The following TLL2 variants were observed in gnomAD, a reference collection of about 807,000 sequenced individuals.
TLL2 encodes tolloid-like protein 2.
A neutral mutation model predicts 123.0 loss-of-function variants in TLL2; 106 were observed. The ratio of observed to expected loss-of-function variants is 0.86; its 90% CI spans 0.74 to 1.01. TLL2 has a LOEUF of 1.01. Ranked by LOEUF, TLL2 falls within the 50% of genes least tolerant of loss-of-function variation. The pLI, the probability that TLL2 is intolerant of heterozygous loss-of-function variation, is 0.00. For missense variants in TLL2, 1,332 were observed against 1,336.7 expected (o/e 1.00, Z 0.06); for synonymous variants, 494 against 516.8 (o/e 0.96, Z 0.60).
chr10:96,392,085 T>C (rs773616764), intron 13 of TLL2, among the ~76,000 whole-genome samples: 2 of 152,158 alleles, frequency 1.3e-5, no homozygotes, highest in Non-Finnish European at 2.9e-5. Context: ...CATTGTGTGC[T>C]TTCCTCGGCG....
At chr10:96,424,979 G>A (rs983624088) in intron 5 of TLL2, among the ~76,000 whole-genome samples, 2 of 148,442 alleles carry the variant, frequency 1.3e-5, no homozygotes, top group Admixed American at 6.7e-5. Context: ...AATAGTTATC[G>A]GTATAAGAAG....
chr10:96,463,534 G>T (rs761023745), intron 2 of TLL2, among the ~76,000 whole-genome samples: 1 of 152,200 alleles, frequency 6.6e-6, no homozygotes, highest in Non-Finnish European at 1.5e-5. Flanking sequence ...GAAGGATCCT[G>T]TTCGGTTCCA....
intron 2 of TLL2, among the ~76,000 whole-genome samples, chr10:96,462,794 G>A (rs12780850): frequency 0.014 from 2,092 of 152,252 alleles, 21 homozygotes; most frequent in Non-Finnish European, 0.021. Context: ...CATCACAGCC[G>A]TCTTGCAATT....
chr10:96,483,458 C>T (rs989900556), intron 1 of TLL2, among the ~76,000 whole-genome samples: 15 of 152,200 alleles, frequency 9.9e-5, no homozygotes, highest in Admixed American at 2.6e-4. Context: ...TCCCAGTCTT[C>T]CTCTTTCCAA....
At chr10:96,375,956 G>C (rs1846134438) in intron 18 of TLL2, among the ~76,000 whole-genome samples, 1 of 152,182 alleles carries the variant, frequency 6.6e-6, no homozygotes, top group Non-Finnish European at 1.5e-5. Context: ...CAAAGTGTGG[G>C]AGTCCCTGGG....
intron 11 of TLL2, among the ~76,000 whole-genome samples, chr10:96,396,661 A>C (rs1446013593): frequency 6.7e-6 from 1 of 149,726 alleles, no homozygotes. Context: ...GAAGAAATAG[A>C]AGCACCATCA....
intron 1 of TLL2, among the ~76,000 whole-genome samples, chr10:96,512,408 A>G (rs570712787): frequency 1.3e-5 from 2 of 152,362 alleles, no homozygotes; most frequent in African/African-American, 4.8e-5. Context: ...GAACTGATAG[A>G]GGTTTCCAGG....
chr10:96,369,500 C>T (rs1337774370), intron 20 of TLL2, among the ~76,000 whole-genome samples: 1 of 152,150 alleles, frequency 6.6e-6, no homozygotes, highest in East Asian at 1.9e-4. Flanking sequence ...GTGGCTCACG[C>T]CTGTAGTCCC....
chr10:96,429,884 C>T (rs939908859), intron 4 of TLL2, among the ~76,000 whole-genome samples: 2 of 152,104 alleles, frequency 1.3e-5, no homozygotes, highest in Admixed American at 1.3e-4. Flanking sequence ...TAATAAAACT[C>T]CAGGCTGACA....
chr10:96,506,251 C>CTAA (rs1847576949), intron 1 of TLL2, among the ~76,000 whole-genome samples: 1 of 36,754 alleles, frequency 2.7e-5, no homozygotes, highest in South Asian at 1.8e-3. Context: ...GACCCCATCT[C>CTAA]AAAAAAAAAA....
intron 8 of TLL2, among the ~76,000 whole-genome samples, chr10:96,412,344 T>G (rs960559021): frequency 6.6e-6 from 1 of 152,150 alleles, no homozygotes; most frequent in Non-Finnish European, 1.5e-5. Flanking sequence ...GGTTTGGAAG[T>G]CTGGGAAAGG....
rs1427603484 is a variant in TLL2, at chr10:96,472,892, T to G, written c.286+7457A>C. ...ATCCAAGTTCTCTGATTCTGGACAT[T>G]GGGTATCTCTTGGGTATGCACTGGT... is the stretch of plus-strand genomic sequence containing the variant. On this transcript the variant is annotated intron_variant, in intron 2 of 20. Coordinates refer to ENST00000357947, the MANE Select transcript of TLL2 (RefSeq NM_012465.4). Among the ~76,000 whole-genome samples, 3 of 152,190 alleles carry G rather than the reference T, an allele frequency of 2.0e-5. No individual in the cohort carries two copies. The South Asian group carries it at 6.2e-4, about 32-fold the overall frequency.
At chr10:96,459,582 A>G (rs1037695834) in intron 2 of TLL2, among the ~76,000 whole-genome samples, 3 of 148,508 alleles carry the variant, frequency 2.0e-5, no homozygotes, top group Admixed American at 1.4e-4. Flanking sequence ...GCAAAGAAGA[A>G]TCACGTGAAT....
At chr10:96,506,266 G>A (rs3934227) in intron 1 of TLL2, among the ~76,000 whole-genome samples, 73,540 of 92,380 alleles carry the variant, frequency 0.8, 27,771 homozygotes, top group East Asian at 0.93. Context: ...AAAAAAAAAA[G>A]AAAAAAAAAA....
intron 1 of TLL2, among the ~76,000 whole-genome samples, chr10:96,505,722 G>A (rs933031407): frequency 2.6e-5 from 4 of 152,188 alleles, no homozygotes; most frequent in Non-Finnish European, 4.4e-5. Context: ...AAGCAGTGCT[G>A]TTCATACAAT....
At chr10:96,432,140 ATAATAT>A (rs2134080712) in intron 4 of TLL2, among the ~76,000 whole-genome samples, 1 of 152,326 alleles carries the variant, frequency 6.6e-6, no homozygotes, top group East Asian at 1.9e-4. Flanking sequence ...TATTTTAAAG[ATAATAT>A]TAATATCAGA....
rs758202568 is a variant in TLL2, at chr10:96,370,270, T to TA, written c.2707dup (p.Tyr903LeufsTer18). ...GTTGTCCCCAAACTGGGCGTGGGAA[T>TA]AGAGCTCTTTGGTCTGCACTTCAGC... is the stretch of plus-strand genomic sequence containing the variant. On this transcript the variant is annotated frameshift_variant, in exon 20 of 21. Coordinates refer to ENST00000357947, the MANE Select transcript of TLL2 (RefSeq NM_012465.4). LOFTEE classifies it high-confidence loss of function. 1 of 1,608,538 alleles carries TA rather than the reference T, an allele frequency of 6.2e-7. No individual in the cohort carries two copies. Among genetic ancestry groups the TA allele is most frequent in the Admixed American group, 1.7e-5 (1 of 59,610 alleles).
chr10:96,432,180 G>A (rs1316814715), intron 4 of TLL2, among the ~76,000 whole-genome samples: 1 of 152,152 alleles, frequency 6.6e-6, no homozygotes, highest in Non-Finnish European at 1.5e-5. Flanking sequence ...CTGTGTGCCA[G>A]GCACCACTCT....
intron 9 of TLL2, among the ~76,000 whole-genome samples, chr10:96,405,678 C>T (rs536410455): frequency 1.3e-5 from 2 of 152,256 alleles, no homozygotes; most frequent in South Asian, 2.1e-4. Context: ...AAGGGGTCAG[C>T]GAAGTTCAGA....
Sources: gnomAD v4.1 joint callset for allele counts (sites outside exome capture counted in the v4.1 genomes callset) on GRCh38, gnomAD v4.1.1 for gene constraint, MANE v1.5 for transcripts, NCBI Gene and HGNC (gene_info 2026-07-23, HGNC 2026-07-21) for gene names.